CFI: variants seen among roughly 807,000 people sequenced by gnomAD.
CFI encodes the protein C3B/C4B inactivator.
CFI carries 66 observed loss-of-function variants against 78.8 expected under a neutral mutation model. The observed-to-expected ratio is 0.84, with a 90% CI of 0.69 to 1.03. The LOEUF (loss-of-function observed/expected upper bound fraction) is 1.03, where lower values mean the gene tolerates loss of function less well. CFI is among the 50% of genes least tolerant of loss of function. The pLI is 0.00. For synonymous variants in CFI, 250 were observed against 232.6 expected (o/e 1.07, Z -0.68); for missense variants, 706 against 704.5 (o/e 1.00, Z -0.02).
chr4:109,771,117 C>T (rs919554381), intron 1 of CFI, among the ~76,000 whole-genome samples: 53 of 152,152 alleles, frequency 3.5e-4, no homozygotes, highest in African/African-American at 1.2e-3. Flanking sequence ...TAGGGCCAGG[C>T]GCAGTGGCTC....
chr4:109,786,724 TC>T (rs1423956637), intron 1 of CFI, among the ~76,000 whole-genome samples: 1 of 152,100 alleles, frequency 6.6e-6, no homozygotes, highest in Non-Finnish European at 1.5e-5. Flanking sequence ...CTGTTCCTCT[TC>T]TATAAAATGT....
chr4:109,755,684 C>T (rs113992396), intron 7 of CFI, among the ~76,000 whole-genome samples: 132 of 152,208 alleles, frequency 8.7e-4, no homozygotes, highest in African/African-American at 2.8e-3. Flanking sequence ...GTGGGACCTG[C>T]GACCTTGGAC....
intron 1 of CFI, among the ~76,000 whole-genome samples, chr4:109,789,247 A>G (rs1731087135): frequency 6.6e-6 from 1 of 151,992 alleles, no homozygotes; most frequent in Non-Finnish European, 1.5e-5. Context: ...GAGCCTCCAA[A>G]AAAGAGGACA....
chr4:109,742,493 G>A lies in CFI; in HGVS notation c.1532C>T (p.Ala511Val), dbSNP rs760801046. 16 of 1,601,732 alleles carry A rather than the reference G, an allele frequency of 1.0e-5. No individual in the cohort carries two copies. The Admixed American group carries it at 2.2e-4, about 22-fold the overall frequency. Residue 511 changes from alanine to valine, a missense_variant and splice_region_variant, in exon 12 of 13, where the codon GCA (alanine) becomes GTA (valine). Ala to Val is a moderately conservative substitution (Grantham distance 64, BLOSUM62 0). Transcript: ENST00000394634. ...NRFYEKEMEC[A>V]GTYDGSIDAC... ...TGGATAAACCACTTGGCACTTACCT[G>A]CACATTCCATTTCTTTTTCATAGAA...
the CFI span, among the ~76,000 whole-genome samples, chr4:109,734,128 C>T: frequency 2.0e-5 from 3 of 152,134 alleles, no homozygotes; most frequent in African/African-American, 2.4e-5. Flanking sequence ...GCCAAGATTG[C>T]GCTATTGCAC....
chr4:109,760,403 G>A (rs373158918), intron 5 of CFI, 23 bp from the exon 6 acceptor site: 31 of 1,590,734 alleles, frequency 1.9e-5, no homozygotes, highest in Non-Finnish European at 2.3e-5. Flanking sequence ...AAGCAGGAGA[G>A]GTTTTTTTCA....
chr4:109,757,855 T>C lies in CFI; in HGVS notation c.884-72A>G. The C allele has an allele frequency of 2.3e-6, 3 of 1,276,842 alleles. No homozygotes were observed. In the African/African-American group the frequency reaches 4.5e-5, roughly 19 times the overall value. 79.1% of individuals were successfully genotyped at this position (1,276,842 alleles called of 1,614,324 possible). On this transcript the variant is annotated intron_variant, in intron 6 of 12. Coordinates refer to ENST00000394634, the MANE Select transcript of CFI (RefSeq NM_000204.5). ...AAAAATGCACACTATAGCAATATAC[T>C]ATACATATATCATGAAAACCATTGC...
intron 1 of CFI, among the ~76,000 whole-genome samples, chr4:109,780,699 T>C (rs918064258): frequency 4.6e-5 from 7 of 152,184 alleles, no homozygotes; most frequent in African/African-American, 1.7e-4. Context: ...CATGCACACG[T>C]ATGTTTATTG....
chr4:109,765,039 T>C (rs1727560181), intron 2 of CFI, among the ~76,000 whole-genome samples: 1 of 152,176 alleles, frequency 6.6e-6, no homozygotes, highest in Admixed American at 6.5e-5. Flanking sequence ...AAGTCCATGC[T>C]CTCAAAAGTA....
intron 4 of CFI, among the ~76,000 whole-genome samples, chr4:109,761,020 C>CT (rs939275380): frequency 9.9e-5 from 15 of 151,890 alleles, no homozygotes; most frequent in Non-Finnish European, 1.9e-4. Context: ...TTTGGTGGTA[C>CT]TTTTTTTTAG....
chr4:109,747,768 T>C (rs992493178), intron 10 of CFI, among the ~76,000 whole-genome samples: 8 of 152,214 alleles, frequency 5.3e-5, no homozygotes, highest in African/African-American at 1.7e-4. Flanking sequence ...GAAGACAATT[T>C]TTCCATGGAA....
intron 3 of CFI, chr4:109,761,932 G>A: frequency 4.3e-6 from 2 of 467,734 alleles, no homozygotes; most frequent in East Asian, 4.2e-5. Flanking sequence ...GCTCACGCCT[G>A]TAATCCCAGC....
At chr4:109,796,928 C>A (rs900018882) in intron 1 of CFI, among the ~76,000 whole-genome samples, 3 of 152,216 alleles carry the variant, frequency 2.0e-5, no homozygotes, top group African/African-American at 7.2e-5. Flanking sequence ...TTAAAGTAGG[C>A]ACAAAGAAAT....
At chr4:109,738,532 C>G (rs1429028297), downstream of CFI, among the ~76,000 whole-genome samples, 1 of 152,218 alleles carries the variant, frequency 6.6e-6, no homozygotes, top group Non-Finnish European at 1.5e-5. Flanking sequence ...CACCTCCTCC[C>G]TGCCGCCATC....
intron 11 of CFI, among the ~76,000 whole-genome samples, chr4:109,744,242 G>A (rs1399456386): frequency 6.6e-6 from 1 of 151,968 alleles, no homozygotes; most frequent in African/African-American, 2.4e-5. Flanking sequence ...TATTTTATTG[G>A]GTATGAAAAT....
intron 1 of CFI, among the ~76,000 whole-genome samples, chr4:109,775,123 C>G (rs1729057848): frequency 6.6e-6 from 1 of 152,130 alleles, no homozygotes; most frequent in Non-Finnish European, 1.5e-5. Flanking sequence ...GTGATTTCTG[C>G]ATTTCCAACT....
At chr4:109,742,322 G>A in intron 12 of CFI, 169 bp downstream of exon 12, 1 of 640,054 alleles carries the variant, frequency 1.6e-6, no homozygotes, top group Non-Finnish European at 2.8e-6. Context: ...ATTAGAGGAA[G>A]AAACCTGAGC....
chr4:109,779,371 C>T (rs62324928), intron 1 of CFI, among the ~76,000 whole-genome samples: 2 of 152,074 alleles, frequency 1.3e-5, no homozygotes, highest in African/African-American at 4.8e-5. Flanking sequence ...CATGAGTGAA[C>T]TCCCATTCAC....
At chr4:109,762,671 C>G (rs993414173) in intron 3 of CFI, 3 of 152,040 alleles carry the variant, frequency 2.0e-5, no homozygotes, top group Non-Finnish European at 4.4e-5. Flanking sequence ...CAAGGTGAAG[C>G]CAAGATTTGT....
Sources: gnomAD v4.1 joint callset for allele counts (sites outside exome capture counted in the v4.1 genomes callset) on GRCh38, gnomAD v4.1.1 for gene constraint, MANE v1.5 for transcripts, NCBI Gene and HGNC (gene_info 2026-07-23, HGNC 2026-07-21) for gene names.